CNTNAP5: variants seen among roughly 807,000 people sequenced by gnomAD.
The protein encoded by CNTNAP5 is contactin associated protein family member 5, also known as contactin-associated protein-like 5.
A neutral mutation model predicts 150.2 loss-of-function variants in CNTNAP5; 72 were observed. That is an observed-to-expected ratio of 0.48 (90% CI 0.40 to 0.58). The LOEUF is 0.58. Ranked by LOEUF, CNTNAP5 falls within the 20% of genes least tolerant of loss-of-function variation. The pLI, the probability that CNTNAP5 is intolerant of heterozygous loss-of-function variation, is 0.00. For synonymous variants in CNTNAP5, 672 were observed against 619.8 expected (o/e 1.08, Z -1.25); for missense variants, 1,636 against 1,626.2 (o/e 1.01, Z -0.10).
intron 1 of CNTNAP5, among the ~76,000 whole-genome samples, chr2:124,052,303 C>T (rs577115999): frequency 3.3e-5 from 5 of 152,302 alleles, no homozygotes; most frequent in African/African-American, 1.2e-4. Context: ...GAAAGACCAA[C>T]CTTCATCTGC....
chr2:124,450,526 A>C (rs76377414), intron 6 of CNTNAP5, among the ~76,000 whole-genome samples: 5,798 of 147,728 alleles, frequency 0.039, 143 homozygotes, highest in Non-Finnish European at 0.05. Flanking sequence ...CCCAGAAGGC[A>C]AACAGACAAG....
chr2:124,901,617 G>A (rs568340084), intron 21 of CNTNAP5, among the ~76,000 whole-genome samples: 23 of 152,250 alleles, frequency 1.5e-4, no homozygotes, highest in African/African-American at 5.3e-4. Context: ...AGCCCAATGA[G>A]ATCGATGGCA....
At chr2:124,541,417 T>C (rs958253584) in intron 10 of CNTNAP5, among the ~76,000 whole-genome samples, 3 of 151,622 alleles carry the variant, frequency 2.0e-5, no homozygotes, top group Admixed American at 2.0e-4. Flanking sequence ...CTTAGAAAAA[T>C]ATGAGAAAAA....
At chr2:124,311,099 A>C (rs1054869171) in intron 3 of CNTNAP5, among the ~76,000 whole-genome samples, 1 of 152,188 alleles carries the variant, frequency 6.6e-6, no homozygotes, top group African/African-American at 2.4e-5. Flanking sequence ...CGTCTTCCTA[A>C]GAATCCCTTC....
intron 1 of CNTNAP5, among the ~76,000 whole-genome samples, chr2:124,152,014 C>T (rs529653966): frequency 3.3e-5 from 5 of 152,250 alleles, no homozygotes; most frequent in South Asian, 2.1e-4. Flanking sequence ...TACATTAACA[C>T]GCACTTGCCA....
intron 3 of CNTNAP5, among the ~76,000 whole-genome samples, chr2:124,245,286 C>T (rs1686988587): frequency 6.6e-6 from 1 of 152,054 alleles, no homozygotes; most frequent in Non-Finnish European, 1.5e-5. Flanking sequence ...TGAAATTTGC[C>T]TTGTGGCTAA....
At chr2:124,815,228 A>G (rs1454301320) in intron 19 of CNTNAP5, among the ~76,000 whole-genome samples, 1 of 152,238 alleles carries the variant, frequency 6.6e-6, no homozygotes, top group Non-Finnish European at 1.5e-5. Flanking sequence ...GAATTAGCAC[A>G]TAGCCAAAGG....
chr2:124,355,958 T>C (rs1251501822), intron 3 of CNTNAP5, among the ~76,000 whole-genome samples: 1 of 152,110 alleles, frequency 6.6e-6, no homozygotes, highest in Non-Finnish European at 1.5e-5. Flanking sequence ...GCAAATGAAA[T>C]GGAAATGATT....
At chr2:124,266,322 T>A (rs1288335443) in intron 3 of CNTNAP5, among the ~76,000 whole-genome samples, 1 of 152,140 alleles carries the variant, frequency 6.6e-6, no homozygotes, top group Non-Finnish European at 1.5e-5. Context: ...TTTTAAGAAC[T>A]AAATCAACAT....
At chr2:124,849,053 C>A (rs933421470) in intron 19 of CNTNAP5, among the ~76,000 whole-genome samples, 1 of 152,090 alleles carries the variant, frequency 6.6e-6, no homozygotes, top group Non-Finnish European at 1.5e-5. Context: ...ATATAAAGAA[C>A]AAATATTGCC....
At chr2:124,067,114 G>A (rs1573729670) in intron 1 of CNTNAP5, among the ~76,000 whole-genome samples, 1 of 152,126 alleles carries the variant, frequency 6.6e-6, no homozygotes, top group Non-Finnish European at 1.5e-5. Flanking sequence ...CAATAAATGT[G>A]GATTTGGATT....
chr2:124,394,555 TG>T (rs1263246075), intron 3 of CNTNAP5, among the ~76,000 whole-genome samples: 2 of 152,032 alleles, frequency 1.3e-5, no homozygotes, highest in African/African-American at 4.8e-5. Context: ...CAACCCCAAA[TG>T]GCATATTAAC....
Position 124,562,770 on chromosome 2 carries a change from A to G in CNTNAP5, c.1650-447A>G, listed in dbSNP as rs76960693. 4.8e-3 allele frequency among the ~76,000 whole-genome samples: 728 copies of G among 152,314 alleles called. 7 individuals are homozygous for G. Among genetic ancestry groups the G allele is most frequent in the African/African-American group, 0.017 (687 of 41,566 alleles). ...GTTGTCTTTGTGCAGTTTAAAATAG[A>G]TACCTGGTCATTCCCCAAAAGAGAA... On this transcript the variant is annotated intron_variant, in intron 10 of 23. Coordinates refer to ENST00000682447, the MANE Select transcript of CNTNAP5 (RefSeq NM_001367498.1).
intron 4 of CNTNAP5, among the ~76,000 whole-genome samples, chr2:124,422,536 C>T (rs149855826): frequency 6.6e-6 from 1 of 152,300 alleles, no homozygotes; most frequent in East Asian, 1.9e-4. Context: ...CCTGACTCGA[C>T]AAGATAGTTT....
intron 1 of CNTNAP5, among the ~76,000 whole-genome samples, chr2:124,184,978 C>T (rs776786072): frequency 6.6e-6 from 1 of 152,038 alleles, no homozygotes; most frequent in Non-Finnish European, 1.5e-5. Context: ...TCAAACATGC[C>T]CCATATTCGT....
chr2:124,388,681 G>T (rs1043056371), intron 3 of CNTNAP5, among the ~76,000 whole-genome samples: 8 of 152,072 alleles, frequency 5.3e-5, no homozygotes, highest in Non-Finnish European at 1.2e-4. Flanking sequence ...CAAGCACGGG[G>T]CCTTTTTTTT....
intron 12 of CNTNAP5, among the ~76,000 whole-genome samples, chr2:124,634,063 T>C (rs1168201139): frequency 2.0e-5 from 3 of 152,182 alleles, no homozygotes; most frequent in Non-Finnish European, 2.9e-5. Context: ...GAAATGTCTT[T>C]GAGGCTTTCC....
At chr2:124,665,783 G>A (rs1197073632) in intron 13 of CNTNAP5, among the ~76,000 whole-genome samples, 2 of 151,980 alleles carry the variant, frequency 1.3e-5, no homozygotes, top group Admixed American at 1.3e-4. Flanking sequence ...CTGCTTAGGA[G>A]GCTGAGGCAG....
At chr2:124,415,229 T>C (rs1691887551) in intron 3 of CNTNAP5, among the ~76,000 whole-genome samples, 1 of 152,168 alleles carries the variant, frequency 6.6e-6, no homozygotes, top group Non-Finnish European at 1.5e-5. Flanking sequence ...ACCTGGGAGC[T>C]GAAATGTTGA....
Sources: allele counts gnomAD v4.1 joint callset (sites outside exome capture counted in the v4.1 genomes callset), GRCh38; gene constraint gnomAD v4.1.1; transcripts MANE v1.5; gene names NCBI Gene and HGNC (gene_info 2026-07-23, HGNC 2026-07-21).